ELL2: variants seen among roughly 807,000 people sequenced by gnomAD.
The protein encoded by ELL2 is elongation factor for RNA polymerase II 2, also known as RNA polymerase II elongation factor ELL2.
A neutral mutation model predicts 72.8 loss-of-function variants in ELL2; 21 were observed. The ratio of observed to expected loss-of-function variants is 0.29; its 90% CI spans 0.20 to 0.42. The LOEUF (loss-of-function observed/expected upper bound fraction) is 0.42. Ranked by LOEUF, ELL2 falls within the 10% of genes least tolerant of loss-of-function variation. The pLI, the probability that ELL2 is intolerant of heterozygous loss-of-function variation, is 1.00. For synonymous variants in ELL2, 266 were observed against 283.2 expected, an observed-to-expected ratio of 0.94 and a Z score of 0.61; for missense variants, 568 against 772.8, an observed-to-expected ratio of 0.73 and a Z score of 3.14.
At chr5:95,961,457 G>A (rs1238231649) in intron 1 of ELL2, 118 bp downstream of exon 1, 4 of 1,240,646 alleles carry the variant, frequency 3.2e-6, no homozygotes, top group Non-Finnish European at 4.1e-6. Context: ...TGGCCGCTGC[G>A]GGCGCTGACG....
rs1266355920 is a variant in ELL2, at chr5:95,887,431, A to G, written c.*1440T>C. 3.9e-5 allele frequency: 6 copies of G among 152,670 alleles called. No individual in the cohort carries two copies. The East Asian group carries it at 1.2e-3, about 29-fold the overall frequency. The allele number at this position is 152,670 out of a possible 1,614,324, so 9.5% of individuals were successfully genotyped here. ...GGAGACAAACATCTTTATTAAAGACACTACCAAAATTTTGGCAAACATTTC... is the reference window on the plus strand; with the variant it reads ...GGAGACAAACATCTTTATTAAAGACGCTACCAAAATTTTGGCAAACATTTC... On this transcript the variant is annotated 3_prime_UTR_variant, in exon 12 of 12. Transcript: ENST00000237853.
intron 5 of ELL2, among the ~76,000 whole-genome samples, chr5:95,906,096 G>A (rs1749348794): frequency 6.6e-6 from 1 of 152,150 alleles, no homozygotes; most frequent in Admixed American, 6.6e-5. Context: ...CAAAGTATGT[G>A]GGGCAAGATA....
At chr5:95,936,821 A>G (rs978987765) in intron 2 of ELL2, among the ~76,000 whole-genome samples, 2 of 152,206 alleles carry the variant, frequency 1.3e-5, no homozygotes, top group African/African-American at 2.4e-5. Flanking sequence ...GTACTATTAA[A>G]GTGATACTGC....
At chr5:95,919,581 T>G (rs368663745) in intron 2 of ELL2, 36 bp from the exon 3 acceptor site, 2 of 1,530,252 alleles carry the variant, frequency 1.3e-6, no homozygotes. Context: ...CGCCTCAAAT[T>G]ATAAATTTGC....
intron 3 of ELL2, 103 bp from the exon 4 acceptor site, chr5:95,914,037 G>A (rs904048241): frequency 4.8e-6 from 5 of 1,041,354 alleles, no homozygotes; most frequent in African/African-American, 3.3e-5. Flanking sequence ...AACTAAGTTT[G>A]CAATCCTAAA....
intron 2 of ELL2, among the ~76,000 whole-genome samples, chr5:95,939,849 G>T (rs930134025): frequency 2.6e-5 from 4 of 152,178 alleles, no homozygotes; most frequent in Non-Finnish European, 5.9e-5. Flanking sequence ...ATACCCCTCT[G>T]AATGTTGTAA....
intron 3 of ELL2, among the ~76,000 whole-genome samples, chr5:95,918,632 G>C (rs535729550): frequency 6.6e-6 from 1 of 152,118 alleles, no homozygotes; most frequent in African/African-American, 2.4e-5. Context: ...ACAGAGATAC[G>C]CTGGTCTAGG....
intron 5 of ELL2, among the ~76,000 whole-genome samples, chr5:95,904,224 T>C (rs575814238): frequency 2.6e-5 from 4 of 152,318 alleles, no homozygotes; most frequent in Admixed American, 6.5e-5. Context: ...AGGGTTTCTA[T>C]TGGGGTTACT....
intron 5 of ELL2, 100 bp downstream of exon 5, chr5:95,906,423 C>G: frequency 7.7e-7 from 1 of 1,295,008 alleles, no homozygotes; most frequent in South Asian, 1.6e-5. Flanking sequence ...CCTAAAATTT[C>G]TCTATCTCAA....
intron 1 of ELL2, among the ~76,000 whole-genome samples, chr5:95,946,320 GAAAGCTTGAATATCAGACACCA>G (rs1303187286): frequency 6.6e-6 from 1 of 152,188 alleles, no homozygotes; most frequent in Non-Finnish European, 1.5e-5. Context: ...AAGATGTGCT[GAAAGCTTGAATATCAGACACCA>G]AAGAAAGATG....
rs1748482983 is a variant in ELL2 at position 95,886,907 on chromosome 5, CTT to C, written c.*1962_*1963del. On this transcript the variant is annotated 3_prime_UTR_variant, in exon 12 of 12. Transcript: ENST00000237853. ...CTCATAGCAAATAGCAGCACACAGT[CTT>C]TGATTAAAAGGCCAAGATGTCCAAG... The C allele has an allele frequency of 1.3e-5, 2 of 152,280 alleles. No homozygotes were observed. Among genetic ancestry groups the C allele is most frequent in the South Asian group, 4.1e-4 (2 of 4,830 alleles). 9.4% of individuals were successfully genotyped at this position (152,280 alleles called of 1,614,324 possible).
chr5:95,922,171 T>A (rs1446824736), intron 2 of ELL2, among the ~76,000 whole-genome samples: 3 of 152,120 alleles, frequency 2.0e-5, no homozygotes, highest in Non-Finnish European at 4.4e-5. Context: ...CACACCATTC[T>A]CCTGCCTCAG....
At position 95,898,204 on chromosome 5, in the gene ELL2, T is replaced by C. The variant is rs372488423; in HGVS notation, c.1525+36A>G. 535 of 1,488,886 alleles carry C rather than the reference T, an allele frequency of 3.6e-4. 1 individual carries two copies. The highest frequency in any genetic ancestry group is 4.1e-4 in the Non-Finnish European group (456 of 1,099,796). 92.2% of individuals were successfully genotyped at this position (1,488,886 alleles called of 1,614,324 possible). Reference sequence around the variant, plus strand: ...AAACTGTGTAATTTCAAACTCATGATAGCATGCACTTCTGGTTCATCTAAA... The same window carrying C: ...AAACTGTGTAATTTCAAACTCATGACAGCATGCACTTCTGGTTCATCTAAA... On this transcript the variant is annotated intron_variant, in intron 8 of 11. Transcript: ENST00000237853.
intron 2 of ELL2, among the ~76,000 whole-genome samples, chr5:95,940,868 GC>G (rs1222558093): frequency 1.3e-5 from 2 of 152,056 alleles, no homozygotes; most frequent in Non-Finnish European, 2.9e-5. Flanking sequence ...CACATCGGTG[GC>G]CCTGCGTCTT....
chr5:95,932,825 A>G (rs1561507805), intron 2 of ELL2: 1 of 152,172 alleles, frequency 6.6e-6, no homozygotes, highest in African/African-American at 2.4e-5. Flanking sequence ...TATAAATAGA[A>G]TAATTATTTT....
intron 5 of ELL2, 45 bp downstream of exon 5, chr5:95,906,478 T>G (rs746486510): frequency 1.3e-6 from 2 of 1,523,444 alleles, no homozygotes; most frequent in Non-Finnish European, 1.8e-6. Flanking sequence ...ATGAACATTT[T>G]AACAAGAAGG....
chr5:95,950,106 T>G (rs551956748), intron 1 of ELL2, among the ~76,000 whole-genome samples: 36 of 152,330 alleles, frequency 2.4e-4, no homozygotes, highest in Non-Finnish European at 4.3e-4. Flanking sequence ...AGAATCACTT[T>G]TTTGGTTTTG....
chr5:95,898,135 A>T, intron 8 of ELL2, 105 bp downstream of exon 8: 2 of 985,074 alleles, frequency 2.0e-6, no homozygotes, highest in Non-Finnish European at 2.9e-6. Flanking sequence ...CACTAAGATT[A>T]ATAATTAAAT....
chr5:95,913,483 G>A (rs996786847), intron 4 of ELL2: 3 of 222,704 alleles, frequency 1.3e-5, no homozygotes, highest in African/African-American at 2.3e-5. Context: ...ACGGTACCAC[G>A]ATTGCAACTT....
Sources: allele counts gnomAD v4.1 joint callset (sites outside exome capture counted in the v4.1 genomes callset), GRCh38; gene constraint gnomAD v4.1.1; transcripts MANE v1.5; gene names NCBI Gene and HGNC (gene_info 2026-07-23, HGNC 2026-07-21).